DMD: variants seen among roughly 807,000 people sequenced by gnomAD.
DMD encodes the protein dystrophin, also known as mutant dystrophin.
A neutral mutation model predicts 330.1 loss-of-function variants in DMD; 63 were observed. The observed-to-expected ratio is 0.19, with a 90% CI of 0.16 to 0.24. The LOEUF is 0.24. DMD is among the 10% of genes least tolerant of loss of function. DMD has a pLI of 1.00. For missense variants in DMD, 3,344 were observed against 2,684.1 expected (o/e 1.25, Z -5.43); for synonymous variants, 1,223 against 959.8 (o/e 1.27, Z -5.07).
chrX:33,101,342 T>C, intron 1 of DMD, among the ~76,000 whole-genome samples: 4 of 112,252 alleles, frequency 3.6e-5, no homozygotes. Flanking sequence ...GAGAAACTAC[T>C]TCAGGCCAGG....
At chrX:32,202,414 C>T (rs1353626757) in intron 44 of DMD, among the ~76,000 whole-genome samples, 1 of 111,508 alleles carries the variant, frequency 9.0e-6, no homozygotes, top group Non-Finnish European at 1.9e-5. Context: ...TGCAGTGGCA[C>T]GATCTTGGCT....
At chrX:32,740,354 A>C (rs2069091024) in intron 7 of DMD, among the ~76,000 whole-genome samples, 1 of 110,491 alleles carries the variant, frequency 9.1e-6, no homozygotes, top group Non-Finnish European at 1.9e-5. Context: ...GGTACAGAGA[A>C]GGGATCTATT....
chrX:31,628,495 A>C (rs2078968489), intron 54 of DMD, among the ~76,000 whole-genome samples: 1 of 111,788 alleles, frequency 8.9e-6, no homozygotes, highest in African/African-American at 3.2e-5. Flanking sequence ...TTTTGTGCAA[A>C]CTATCATTTT....
chrX:32,936,612 T>G (rs756961122), intron 2 of DMD, among the ~76,000 whole-genome samples: 1 of 112,095 alleles, frequency 8.9e-6, no homozygotes, highest in East Asian at 2.8e-4. Flanking sequence ...CCCTGCTTTT[T>G]TTCTTGAAAT....
chrX:33,260,614 A>C (rs2052938380), intron 1 of DMD, among the ~76,000 whole-genome samples: 1 of 111,802 alleles, frequency 8.9e-6, no homozygotes, highest in African/African-American at 3.2e-5. Context: ...AAATATTATT[A>C]GGAAACTCAT....
At chrX:32,485,395 C>T (rs910363682) in intron 20 of DMD, among the ~76,000 whole-genome samples, 3 of 110,698 alleles carry the variant, frequency 2.7e-5, no homozygotes, top group African/African-American at 9.8e-5. Flanking sequence ...CTATGCATGA[C>T]CTTAAATCCT....
chrX:33,251,236 G>A (rs188584616), intron 1 of DMD, among the ~76,000 whole-genome samples: 133 of 111,845 alleles, frequency 1.2e-3, no homozygotes, highest in East Asian at 1.1e-3. Flanking sequence ...AAGTTAGTGC[G>A]TACTATAATA....
chrX:32,565,644 A>C, intron 16 of DMD, 58 bp downstream of exon 16: 2 of 1,117,010 alleles, frequency 1.8e-6, no homozygotes, highest in Non-Finnish European at 2.5e-6. Flanking sequence ...TCACTCTCTT[A>C]ATGCAGGTTT....
intron 7 of DMD, among the ~76,000 whole-genome samples, chrX:32,794,157 C>A (rs2076019538): frequency 8.9e-6 from 1 of 111,745 alleles, no homozygotes; most frequent in South Asian, 3.7e-4. Context: ...AAGAACATTT[C>A]ATAAAATTTA....
At chrX:32,557,688 T>C (rs1603636316) in intron 16 of DMD, among the ~76,000 whole-genome samples, 1 of 111,849 alleles carries the variant, frequency 8.9e-6, no homozygotes, top group East Asian at 2.8e-4. Context: ...AAAAATCTGG[T>C]AAAGATTTGC....
At position 31,417,383 on chromosome X, in the gene DMD, C is replaced by T. The variant is rs182093243; in HGVS notation, c.9084+27098G>A. Among the ~76,000 whole-genome samples, 535 of 110,305 alleles carry T rather than the reference C, an allele frequency of 4.9e-3. 3 individuals are homozygous for T. Among genetic ancestry groups the T allele is most frequent in the African/African-American group, 0.017 (509 of 30,283 alleles). ...CTCGGCTCACTGCAACCTCCTCCTC[C>T]CAGGTTCAAGTGATTCTCCTGCCTC... On this transcript the variant is annotated intron_variant, in intron 60 of 78. Coordinates refer to ENST00000357033, the MANE Select transcript of DMD (RefSeq NM_004006.3).
chrX:33,259,400 C>A (rs989175411), intron 1 of DMD, among the ~76,000 whole-genome samples: 1 of 110,163 alleles, frequency 9.1e-6, no homozygotes, highest in Admixed American at 9.8e-5. Flanking sequence ...AAGTATTCAA[C>A]GATGTGTCCA....
Position 32,389,752 on chromosome X carries a change from C to T in DMD, c.4345-78G>A. 4.1e-6 allele frequency: 4 copies of T among 966,770 alleles called. No homozygotes were observed. The Admixed American group carries it at 8.9e-5, about 22-fold the overall frequency. 79.7% of individuals were successfully genotyped at this position (966,770 alleles called of 1,213,427 possible). On this transcript the variant is annotated intron_variant, in intron 31 of 78. Coordinates refer to ENST00000357033, the MANE Select transcript of DMD (RefSeq NM_004006.3). Reference sequence around the variant, plus strand: ...ACTGGTCCTATTTTTATTGATAGATCTGCCTTTATTTCTGAAGATATACAG... The same window carrying T: ...ACTGGTCCTATTTTTATTGATAGATTTGCCTTTATTTCTGAAGATATACAG...
At chrX:32,636,898 T>C (rs2059133632) in intron 11 of DMD, among the ~76,000 whole-genome samples, 1 of 109,752 alleles carries the variant, frequency 9.1e-6, no homozygotes, top group South Asian at 4.0e-4. Flanking sequence ...CTGGGGAGGC[T>C]GAACCAGGAG....
chrX:32,828,508 T>G (rs1403266903), intron 4 of DMD, among the ~76,000 whole-genome samples: 1 of 109,546 alleles, frequency 9.1e-6, no homozygotes, highest in Admixed American at 9.7e-5. Context: ...CATATATATA[T>G]ACGCATCATT....
chrX:33,113,593 C>G (rs928989669), intron 1 of DMD, among the ~76,000 whole-genome samples: 1 of 37,909 alleles, frequency 2.6e-5, no homozygotes, highest in Admixed American at 3.4e-4. Context: ...CATTCTTGCC[C>G]CCCCCCCCAA....
At chrX:32,492,953 G>GGT (rs200430686) in intron 19 of DMD, among the ~76,000 whole-genome samples, 1,830 of 111,368 alleles carry the variant, frequency 0.016, 45 homozygotes, top group African/African-American at 0.056. Flanking sequence ...TTTGGTAGAA[G>GGT]AGTAGGTTGC....
chrX:31,268,774 T>C (rs1266249791), intron 62 of DMD, among the ~76,000 whole-genome samples: 1 of 112,316 alleles, frequency 8.9e-6, no homozygotes, highest in African/African-American at 3.2e-5. Flanking sequence ...CATTTGTAAA[T>C]ATTACAAATC....
chrX:31,947,543 C>G (rs1027372151), intron 45 of DMD, among the ~76,000 whole-genome samples: 2 of 112,353 alleles, frequency 1.8e-5, no homozygotes, highest in Non-Finnish European at 3.8e-5. Context: ...TTTTGAAGTT[C>G]ACCATGGTGC....
Sources: allele counts gnomAD v4.1 joint callset (sites outside exome capture counted in the v4.1 genomes callset), GRCh38; gene constraint gnomAD v4.1.1; transcripts MANE v1.5; gene names NCBI Gene and HGNC (gene_info 2026-07-23, HGNC 2026-07-21).